Variants in C12orf42 observed in about 807,000 individuals in gnomAD.
The protein encoded by C12orf42 is chromosome 12 open reading frame 42, also known as uncharacterized protein C12orf42.
Under a neutral mutation model 21.6 loss-of-function variants are expected in C12orf42, and 25 were observed. That is an observed-to-expected ratio of 1.16 (90% CI 0.84 to 1.62). C12orf42 has a LOEUF of 1.62. Ranked by LOEUF, C12orf42 falls within the 40% of genes most tolerant of loss-of-function variation. The pLI is 0.00. For missense variants in C12orf42, 483 were observed against 459.3 expected, an observed-to-expected ratio of 1.05 and a Z score of -0.47; for synonymous variants, 174 against 175.0, an observed-to-expected ratio of 0.99 and a Z score of 0.05.
intron 4 of C12orf42, among the ~76,000 whole-genome samples, chr12:103,309,492 G>C (rs1223353523): frequency 6.6e-6 from 1 of 152,102 alleles, no homozygotes; most frequent in Admixed American, 6.5e-5. Flanking sequence ...GTCAACAGAA[G>C]ACTACTAGTA....
chr12:103,329,607 G>A (rs574857819), intron 4 of C12orf42, among the ~76,000 whole-genome samples: 5 of 148,444 alleles, frequency 3.4e-5, no homozygotes, highest in Admixed American at 6.7e-5. Context: ...ATATGGACTC[G>A]GGCCTGCTTA....
At chr12:103,524,729 T>C in the C12orf42 span, among the ~76,000 whole-genome samples, 3 of 152,168 alleles carry the variant, frequency 2.0e-5, no homozygotes, top group Non-Finnish European at 4.4e-5. Context: ...AGAACATAGG[T>C]AGTTTTCTGA....
the C12orf42 span, among the ~76,000 whole-genome samples, chr12:103,067,202 G>A: frequency 6.6e-6 from 1 of 152,196 alleles, no homozygotes; most frequent in Non-Finnish European, 1.5e-5. Flanking sequence ...ACTTACTCCA[G>A]ATATGGGTTT....
chr12:103,074,969 G>A, the C12orf42 span, among the ~76,000 whole-genome samples: 2 of 152,076 alleles, frequency 1.3e-5, no homozygotes, highest in South Asian at 4.2e-4. Flanking sequence ...CATGCCTGTG[G>A]TCCCAGCTAC....
chr12:103,308,652 T>C (rs2038622746), intron 4 of C12orf42, among the ~76,000 whole-genome samples: 2 of 152,176 alleles, frequency 1.3e-5, no homozygotes, highest in Admixed American at 1.3e-4. Context: ...AAAGGGCAAT[T>C]TGCAGGAAGG....
chr12:103,104,153 A>G, the C12orf42 span, among the ~76,000 whole-genome samples: 1 of 152,256 alleles, frequency 6.6e-6, no homozygotes, highest in Non-Finnish European at 1.5e-5. Flanking sequence ...CAACATATGT[A>G]TCTGTATAAG....
At chr12:103,533,048 C>A in the C12orf42 span, among the ~76,000 whole-genome samples, 1 of 152,210 alleles carries the variant, frequency 6.6e-6, no homozygotes, top group East Asian at 1.9e-4. Context: ...CTTTCAGACT[C>A]ATTCCACCAG....
intron 3 of C12orf42, among the ~76,000 whole-genome samples, chr12:103,386,017 C>G (rs1200345805): frequency 6.6e-6 from 1 of 152,200 alleles, no homozygotes; most frequent in African/African-American, 2.4e-5. Context: ...AGCTAGCATG[C>G]CTGGCAGCAC....
chr12:103,458,597 CT>C (rs1012555900), intron 2 of C12orf42, among the ~76,000 whole-genome samples: 1 of 152,146 alleles, frequency 6.6e-6, no homozygotes, highest in African/African-American at 2.4e-5. Flanking sequence ...TCAGCTAGAT[CT>C]TAGTAAATGT....
intron 2 of C12orf42, among the ~76,000 whole-genome samples, chr12:103,413,725 T>C (rs4015527): frequency 0.83 from 125,880 of 152,056 alleles, 52,141 homozygotes; most frequent in Admixed American, 0.88. Context: ...AATGAGAACA[T>C]GGGATGTTTG....
intron 2 of C12orf42, among the ~76,000 whole-genome samples, chr12:103,457,468 GTTCA>G (rs1195644875): frequency 6.6e-6 from 1 of 152,122 alleles, no homozygotes; most frequent in East Asian, 1.9e-4. Flanking sequence ...CCCTGTGTTT[GTTCA>G]TCAGGGATGC....
At chr12:103,477,194 GA>G (rs1954119200) in intron 2 of C12orf42, among the ~76,000 whole-genome samples, 1 of 152,148 alleles carries the variant, frequency 6.6e-6, no homozygotes, top group Non-Finnish European at 1.5e-5. Flanking sequence ...GTGTTATGAA[GA>G]AAAACAATAC....
At chr12:103,297,018 T>C (rs897774879), downstream of C12orf42, among the ~76,000 whole-genome samples, 1 of 152,222 alleles carries the variant, frequency 6.6e-6, no homozygotes, top group Non-Finnish European at 1.5e-5. Context: ...CTTTAATCCA[T>C]CTTGAATTAA....
chr12:103,421,311 C>A (rs1236874165), intron 2 of C12orf42, among the ~76,000 whole-genome samples: 2 of 152,168 alleles, frequency 1.3e-5, no homozygotes, highest in African/African-American at 4.8e-5. Context: ...GTGGCTCACA[C>A]TTGTAATCAC....
chr12:103,127,734 A>G, the C12orf42 span, among the ~76,000 whole-genome samples: 1 of 152,192 alleles, frequency 6.6e-6, no homozygotes, highest in Non-Finnish European at 1.5e-5. Context: ...CCTCCCTACG[A>G]CACATAATTA....
the C12orf42 span, among the ~76,000 whole-genome samples, chr12:103,088,842 G>C: frequency 6.6e-6 from 1 of 152,112 alleles, no homozygotes; most frequent in Non-Finnish European, 1.5e-5. Context: ...GGTGGCTCAC[G>C]CCAGTAATCC....
At chr12:103,063,439 G>C in the C12orf42 span, among the ~76,000 whole-genome samples, 1 of 152,162 alleles carries the variant, frequency 6.6e-6, no homozygotes, top group Non-Finnish European at 1.5e-5. Context: ...GGGACATGTG[G>C]GAGGACCCTG....
chr12:103,562,237 A>G, the C12orf42 span, among the ~76,000 whole-genome samples: 1 of 152,006 alleles, frequency 6.6e-6, no homozygotes, highest in Non-Finnish European at 1.5e-5. Context: ...GGGCTGCTGT[A>G]TTTTCTTCCC....
Position 103,393,732 on chromosome 12 carries a change from T to C in C12orf42, c.147+7875A>G, listed in dbSNP as rs114782669. ...AATGCCTAGTATATATTGCACTTAA[T>C]ACAATTTATTGAATGAATGAAACAC... On this transcript the variant is annotated intron_variant, in intron 3 of 5. Coordinates refer to ENST00000548883, the MANE Select transcript of C12orf42 (RefSeq NM_198521.5). Among the ~76,000 whole-genome samples, 25 of 152,322 alleles carry C rather than the reference T, an allele frequency of 1.6e-4. 1 individual carries two copies. Among genetic ancestry groups the C allele is most frequent in the African/African-American group, 5.8e-4 (24 of 41,572 alleles).
Sources: gnomAD v4.1 joint callset for allele counts (sites outside exome capture counted in the v4.1 genomes callset) on GRCh38, gnomAD v4.1.1 for gene constraint, MANE v1.5 for transcripts, NCBI Gene and HGNC (gene_info 2026-07-23, HGNC 2026-07-21) for gene names.